EXOC4: variants seen among roughly 807,000 people sequenced by gnomAD.
EXOC4 encodes the protein exocyst complex component 4.
A neutral mutation model predicts 107.2 loss-of-function variants in EXOC4; 71 were observed. That is an observed-to-expected ratio of 0.66 (90% CI 0.55 to 0.81). The LOEUF is 0.81. Among genes scored for constraint, EXOC4 ranks in the 30% least tolerant of loss-of-function variants. The pLI is 0.00. For missense variants in EXOC4, 1,108 were observed against 1,189.6 expected, an observed-to-expected ratio of 0.93 and a Z score of 1.01; for synonymous variants, 456 against 441.2, an observed-to-expected ratio of 1.03 and a Z score of -0.42.
At chr7:133,284,343 G>A (rs1012102156) in intron 2 of EXOC4, among the ~76,000 whole-genome samples, 5 of 152,014 alleles carry the variant, frequency 3.3e-5, no homozygotes, top group South Asian at 2.1e-4. Flanking sequence ...CATAGTAACC[G>A]TTACACATAG....
intron 2 of EXOC4, among the ~76,000 whole-genome samples, chr7:133,275,921 T>C (rs1378227618): frequency 1.3e-5 from 2 of 152,088 alleles, no homozygotes; most frequent in African/African-American, 2.4e-5. Flanking sequence ...TCCTCCTGCC[T>C]GAGTCTCCCA....
At chr7:133,560,430 G>T (rs1424090330) in intron 9 of EXOC4, among the ~76,000 whole-genome samples, 14 of 152,066 alleles carry the variant, frequency 9.2e-5, no homozygotes, top group Admixed American at 8.5e-4. Context: ...GATTACAGGT[G>T]TGTGCCACCA....
chr7:133,301,743 G>A (rs960141577), intron 3 of EXOC4, among the ~76,000 whole-genome samples: 34 of 152,070 alleles, frequency 2.2e-4, no homozygotes, highest in South Asian at 1.0e-3. Context: ...TACTGATGTC[G>A]TTTATCTTTG....
intron 14 of EXOC4, among the ~76,000 whole-genome samples, chr7:133,983,224 C>T (rs1024683334): frequency 2.0e-5 from 3 of 152,118 alleles, no homozygotes; most frequent in Non-Finnish European, 2.9e-5. Flanking sequence ...AAGGGATCCT[C>T]CCCCATGACC....
At chr7:133,911,092 T>C (rs1190934347) in intron 12 of EXOC4, among the ~76,000 whole-genome samples, 1 of 152,158 alleles carries the variant, frequency 6.6e-6, no homozygotes, top group East Asian at 1.9e-4. Flanking sequence ...TACCAAAAGG[T>C]ACACCTATTT....
At position 133,650,244 on chromosome 7, in the gene EXOC4, C is replaced by G. The variant is rs529058182; in HGVS notation, c.1514+20103C>G. 8.5e-5 allele frequency among the ~76,000 whole-genome samples: 13 copies of G among 152,082 alleles called. No homozygotes were observed. The South Asian group carries it at 2.3e-3, about 27-fold the overall frequency. On this transcript the variant is annotated intron_variant, in intron 10 of 17. Transcript: ENST00000253861. ...TGGCAACATTACTAGTGAATTACAG[C>G]TAGTCTAAATACTTTGTGTTTTCAC...
intron 17 of EXOC4, among the ~76,000 whole-genome samples, chr7:134,036,806 C>T (rs773337192): frequency 2.6e-5 from 4 of 152,188 alleles, no homozygotes; most frequent in Non-Finnish European, 5.9e-5. Context: ...AGAATGCAAA[C>T]TAGAGCTTGA....
At chr7:133,771,882 G>A (rs942013077) in intron 10 of EXOC4, among the ~76,000 whole-genome samples, 3 of 151,866 alleles carry the variant, frequency 2.0e-5, no homozygotes, top group African/African-American at 7.3e-5. Context: ...TGATTAATAA[G>A]ACAACAAAAT....
intron 10 of EXOC4, among the ~76,000 whole-genome samples, chr7:133,662,811 C>T (rs1198434445): frequency 6.6e-6 from 1 of 152,086 alleles, no homozygotes; most frequent in Non-Finnish European, 1.5e-5. Flanking sequence ...TGCTAAGAAG[C>T]AGTAGATAGA....
chr7:133,681,380 C>CA (rs1794183409), intron 10 of EXOC4, among the ~76,000 whole-genome samples: 1 of 8,006 alleles, frequency 1.2e-4, no homozygotes, highest in Non-Finnish European at 5.6e-4. Flanking sequence ...GCTTCAAGGG[C>CA]AATTTTTTTT....
At chr7:133,848,660 C>T (rs1798182941) in intron 11 of EXOC4, among the ~76,000 whole-genome samples, 1 of 152,226 alleles carries the variant, frequency 6.6e-6, no homozygotes, top group South Asian at 2.1e-4. Context: ...TTCATACTTT[C>T]CTTCAGCTGT....
chr7:133,284,926 A>G (rs1794241537), intron 2 of EXOC4, among the ~76,000 whole-genome samples: 1 of 152,186 alleles, frequency 6.6e-6, no homozygotes, highest in Non-Finnish European at 1.5e-5. Flanking sequence ...CAGTTCCAAC[A>G]TCTCAGAGAT....
chr7:133,550,116 A>G (rs1043764685), intron 9 of EXOC4, among the ~76,000 whole-genome samples: 7 of 152,148 alleles, frequency 4.6e-5, no homozygotes, highest in Non-Finnish European at 1.0e-4. Flanking sequence ...TGTTGCCTTC[A>G]TTAGGTATTA....
chr7:133,530,227 A>G (rs1388531073), intron 9 of EXOC4, among the ~76,000 whole-genome samples: 2 of 152,188 alleles, frequency 1.3e-5, no homozygotes, highest in Admixed American at 1.3e-4. Context: ...GAACACCTGG[A>G]CATTTTGTTT....
At chr7:133,526,467 A>G (rs1305584945) in intron 9 of EXOC4, among the ~76,000 whole-genome samples, 2 of 152,162 alleles carry the variant, frequency 1.3e-5, no homozygotes, top group Non-Finnish European at 2.9e-5. Context: ...ACAAGAACAA[A>G]CAAAGATTTT....
At chr7:133,918,139 C>A (rs928431890) in intron 13 of EXOC4, among the ~76,000 whole-genome samples, 1 of 104,110 alleles carries the variant, frequency 9.6e-6, no homozygotes, top group East Asian at 2.3e-4. Context: ...CCCACCACCA[C>A]GCCCGGCTAA....
intron 3 of EXOC4, among the ~76,000 whole-genome samples, chr7:133,302,868 A>G (rs1310061568): frequency 1.3e-5 from 2 of 152,204 alleles, no homozygotes; most frequent in South Asian, 2.1e-4. Flanking sequence ...TGTACTCTGT[A>G]GTCATTACAT....
chr7:133,952,432 A>T (rs1800714900), intron 14 of EXOC4, among the ~76,000 whole-genome samples: 1 of 152,168 alleles, frequency 6.6e-6, no homozygotes, highest in Non-Finnish European at 1.5e-5. Context: ...ACTTACAGGA[A>T]TTCTGGGAGT....
intron 7 of EXOC4, among the ~76,000 whole-genome samples, chr7:133,427,529 G>T (rs1240536080): frequency 6.6e-6 from 1 of 152,160 alleles, no homozygotes; most frequent in Non-Finnish European, 1.5e-5. Context: ...AGTCAGAAAG[G>T]AAAACAGAGC....
Sources: gnomAD v4.1 joint callset for allele counts (sites outside exome capture counted in the v4.1 genomes callset) on GRCh38, gnomAD v4.1.1 for gene constraint, MANE v1.5 for transcripts, NCBI Gene and HGNC (gene_info 2026-07-23, HGNC 2026-07-21) for gene names.